The following ST6GAL1 variants were observed in gnomAD, a reference collection of about 807,000 sequenced individuals.
The protein encoded by ST6GAL1 is ST6 beta-galactoside alpha-2,6-sialyltransferase 1, also known as beta-galactoside alpha-2,6-sialyltransferase 1.
ST6GAL1 carries 20 observed loss-of-function variants against 38.0 expected under a neutral mutation model. That is an observed-to-expected ratio of 0.53 (90% CI 0.37 to 0.77). The LOEUF (loss-of-function observed/expected upper bound fraction) is 0.77. Among genes scored for constraint, ST6GAL1 ranks in the 30% least tolerant of loss-of-function variants. The pLI is 0.00. For missense variants in ST6GAL1, 432 were observed against 496.4 expected, an observed-to-expected ratio of 0.87 and a Z score of 1.23; for synonymous variants, 196 against 188.2, an observed-to-expected ratio of 1.04 and a Z score of -0.34.
At chr3:187,043,482 C>G (rs1055534962) in intron 4 of ST6GAL1, among the ~76,000 whole-genome samples, 172 bp downstream of exon 4, 16 of 152,132 alleles carry the variant, frequency 1.1e-4, no homozygotes, top group African/African-American at 3.9e-4. Context: ...ACAGATGGCG[C>G]TCTAGGCCCC....
chr3:186,948,501 G>T (rs1560138374), intron 1 of ST6GAL1, among the ~76,000 whole-genome samples: 1 of 151,782 alleles, frequency 6.6e-6, no homozygotes, highest in African/African-American at 2.4e-5. Context: ...CTGGGGCCTG[G>T]TATGCTCTTG....
At chr3:187,034,673 A>G (rs748798610) in intron 2 of ST6GAL1, among the ~76,000 whole-genome samples, 1 of 152,218 alleles carries the variant, frequency 6.6e-6, no homozygotes, top group Non-Finnish European at 1.5e-5. Context: ...ATCTCAATAG[A>G]TGCAGAAAAA....
At chr3:187,048,273 A>G (rs996318079) in intron 4 of ST6GAL1, among the ~76,000 whole-genome samples, 2 of 151,966 alleles carry the variant, frequency 1.3e-5, no homozygotes, top group Non-Finnish European at 2.9e-5. Flanking sequence ...ATCACGTCCA[A>G]ACTTCATACC....
At chr3:187,043,589 G>A (rs4686842) in intron 4 of ST6GAL1, among the ~76,000 whole-genome samples, 56,813 of 152,064 alleles carry the variant, frequency 0.37, 13,029 homozygotes, top group African/African-American at 0.65. Context: ...ATTTTGATAC[G>A]TGTATTCAAT....
intron 1 of ST6GAL1, among the ~76,000 whole-genome samples, chr3:186,935,129 T>C (rs976642947): frequency 6.6e-6 from 1 of 152,112 alleles, no homozygotes; most frequent in Non-Finnish European, 1.5e-5. Context: ...TACCCAGTAA[T>C]GATTTTCCCT....
At position 187,076,726 on chromosome 3, in the gene ST6GAL1, C is replaced by G; in HGVS notation, c.*923C>G. 1.5e-5 allele frequency: 6 copies of G among 396,130 alleles called. No individual in the cohort carries two copies. Among genetic ancestry groups the G allele is most frequent in the Non-Finnish European group, 4.4e-6 (1 of 225,256 alleles). The allele number at this position is 396,130 out of a possible 1,614,324, so 24.5% of individuals were successfully genotyped here. A position where few individuals can be genotyped will look rare whatever the true frequency, so the allele number is the denominator to read the frequency against. On this transcript the variant is annotated 3_prime_UTR_variant, in exon 8 of 8. Transcript: ENST00000169298. Reference sequence around the variant, plus strand: ...TCTGAGCCGTTTGAATTGTGTTTTTCTTTCTTCCCATGTTTATTTTCTAAG... The same window carrying G: ...TCTGAGCCGTTTGAATTGTGTTTTTGTTTCTTCCCATGTTTATTTTCTAAG...
At chr3:187,000,726 G>C (rs1446435595) in intron 2 of ST6GAL1, among the ~76,000 whole-genome samples, 1 of 152,156 alleles carries the variant, frequency 6.6e-6, no homozygotes, top group Admixed American at 6.5e-5. Context: ...CATTACATTT[G>C]ATGCTACAGT....
At chr3:186,948,730 A>T (rs1714473808) in intron 1 of ST6GAL1, 1 of 152,686 alleles carries the variant, frequency 6.5e-6, no homozygotes, top group African/African-American at 2.4e-5. Context: ...CCTCAAATTC[A>T]TGGCCCACAA....
intron 2 of ST6GAL1, among the ~76,000 whole-genome samples, chr3:186,964,880 C>T (rs866144512): frequency 6.6e-6 from 1 of 152,308 alleles, no homozygotes; most frequent in Middle Eastern, 3.4e-3. Flanking sequence ...TCCTTCATTT[C>T]CTCACCTGTG....
chr3:186,951,555 G>T (rs1714578895), intron 1 of ST6GAL1, among the ~76,000 whole-genome samples: 1 of 152,166 alleles, frequency 6.6e-6, no homozygotes, highest in Admixed American at 6.5e-5. Flanking sequence ...GTATCTCTTT[G>T]TTAACCTGTG....
chr3:187,039,761 A>G (rs910655361), intron 3 of ST6GAL1, among the ~76,000 whole-genome samples: 1 of 152,216 alleles, frequency 6.6e-6, no homozygotes, highest in Non-Finnish European at 1.5e-5. Context: ...GAGATGAGAA[A>G]GGGTCTTGCA....
intron 4 of ST6GAL1, among the ~76,000 whole-genome samples, chr3:187,049,222 G>A (rs1718427228): frequency 6.6e-6 from 1 of 152,158 alleles, no homozygotes; most frequent in Non-Finnish European, 1.5e-5. Flanking sequence ...GCGTTAATTG[G>A]CATTTCTCAC....
At chr3:186,963,197 A>T (rs1422358324) in intron 1 of ST6GAL1, among the ~76,000 whole-genome samples, 1 of 152,214 alleles carries the variant, frequency 6.6e-6, no homozygotes, top group South Asian at 2.1e-4. Context: ...AATGCTTCCA[A>T]AATGAATTAG....
intron 2 of ST6GAL1, among the ~76,000 whole-genome samples, chr3:186,966,673 G>A (rs971439935): frequency 1.4e-4 from 21 of 152,186 alleles, no homozygotes; most frequent in African/African-American, 4.8e-4. Context: ...TCCTTGTAGT[G>A]TAAGATAGCA....
At position 186,975,269 on chromosome 3, in the gene ST6GAL1, G is replaced by T. The variant is rs1004928419; in HGVS notation, c.-183+11343G>T. On this transcript the variant is annotated intron_variant, in intron 2 of 7. Coordinates refer to ENST00000169298, the MANE Select transcript of ST6GAL1 (RefSeq NM_173216.2). The stretch of plus-strand genomic sequence containing the variant: ...AGACTGAGAGGCATTTGCACTTAAT[G>T]GAGTAAACATGGAAGATGCAATTTC... 2.0e-5 allele frequency among the ~76,000 whole-genome samples: 3 copies of T among 152,184 alleles called. No individual in the cohort carries two copies. In the East Asian group the frequency reaches 5.8e-4, roughly 29 times the overall value.
intron 2 of ST6GAL1, among the ~76,000 whole-genome samples, chr3:186,966,197 A>G (rs1050026098): frequency 2.6e-5 from 4 of 152,032 alleles, no homozygotes; most frequent in Admixed American, 6.6e-5. Flanking sequence ...ATCGTGCCCG[A>G]CCTAACTGAG....
At chr3:186,947,237 G>A (rs1049201283) in intron 1 of ST6GAL1, among the ~76,000 whole-genome samples, 9 of 152,132 alleles carry the variant, frequency 5.9e-5, no homozygotes, top group African/African-American at 2.2e-4. Context: ...TATCTCTACT[G>A]TACACATGAG....
Position 187,008,940 on chromosome 3 carries a change from G to C in ST6GAL1, c.-182-29802G>C, listed in dbSNP as rs542153434. On this transcript the variant is annotated intron_variant, in intron 2 of 7. Transcript: ENST00000169298. ...TTTGTTGGGATTTGAGGTTGTTTCA[G>C]GTTATGCATGGACTGAAGTCAAACT... 1.0e-3 allele frequency among the ~76,000 whole-genome samples: 156 copies of C among 151,992 alleles called. 4 individuals carry two copies. The highest frequency in any genetic ancestry group is 3.4e-3 in the Middle Eastern group (1 of 294).
intron 2 of ST6GAL1, among the ~76,000 whole-genome samples, chr3:186,999,241 G>A (rs375295523): frequency 1.2e-4 from 18 of 151,278 alleles, no homozygotes; most frequent in South Asian, 6.2e-4. Flanking sequence ...CACTCGCCTC[G>A]TAGAAGGTGT....
Sources: gnomAD v4.1 joint callset for allele counts (sites outside exome capture counted in the v4.1 genomes callset) on GRCh38, gnomAD v4.1.1 for gene constraint, MANE v1.5 for transcripts, NCBI Gene and HGNC (gene_info 2026-07-23, HGNC 2026-07-21) for gene names.